The following USP42 variants were observed in gnomAD, a reference collection of about 807,000 sequenced individuals.
USP42 encodes ubiquitin specific peptidase 42, also known as ubiquitin carboxyl-terminal hydrolase 42.
A neutral mutation model predicts 113.0 loss-of-function variants in USP42; 23 were observed. That is an observed-to-expected ratio of 0.20 (90% CI 0.15 to 0.29). USP42 has a LOEUF of 0.29. USP42 is among the 10% of genes least tolerant of loss of function. The pLI, the probability that USP42 is intolerant of heterozygous loss-of-function variation, is 1.00. For synonymous variants in USP42, 933 were observed against 699.0 expected, an observed-to-expected ratio of 1.33 and a Z score of -5.28; for missense variants, 2,174 against 1,779.8, an observed-to-expected ratio of 1.22 and a Z score of -3.99.
chr7:6,131,854 A>G (rs377663785), intron 3 of USP42, among the ~76,000 whole-genome samples: 10 of 152,136 alleles, frequency 6.6e-5, no homozygotes, highest in African/African-American at 2.2e-4. Flanking sequence ...ATAGAAAACT[A>G]CCTCTATTCC....
rs1329362899 is a variant in USP42, at chr7:6,160,811, A to G, written c.*293A>G. 1 of 152,614 alleles carries G rather than the reference A, an allele frequency of 6.6e-6. No individual in the cohort carries two copies. 9.5% of individuals were successfully genotyped at this position (152,614 alleles called of 1,614,324 possible). A position where few individuals can be genotyped will look rare whatever the true frequency, so the allele number is the denominator to read the frequency against. On this transcript the variant is annotated 3_prime_UTR_variant, in exon 18 of 18. Transcript: ENST00000306177. ...TAATGCCCTGGAATAGAACATCTCA[A>G]ATGCTGCTTAATTACAGACTCAGGT...
chr7:6,111,518 G>T, intron 2 of USP42, 144 bp downstream of exon 2: 1 of 929,482 alleles, frequency 1.1e-6, no homozygotes, highest in Non-Finnish European at 1.6e-6. Flanking sequence ...GATGGGCTTT[G>T]TTTTCCTGTT....
upstream of USP42, among the ~76,000 whole-genome samples, chr7:6,100,465 G>C (rs139466523): frequency 6.0e-4 from 90 of 150,898 alleles, no homozygotes; most frequent in East Asian, 0.013. Context: ...AAGTAGCTGG[G>C]ATTACAGGTG....
At chr7:6,091,507 CTTG>C in the USP42 span, among the ~76,000 whole-genome samples, 1 of 150,832 alleles carries the variant, frequency 6.6e-6, no homozygotes, top group South Asian at 2.1e-4. Flanking sequence ...AGATAACAGG[CTTG>C]AGCCGCCATG....
chr7:6,149,804 G>A lies in USP42; in HGVS notation c.1608G>A (p.Gln536=). ...ACAAGTTGCCTGTTCGCCAGTGTCAGTCTCAACCTAACCTTCATAGTAATT... is the reference window on the plus strand; with the variant it reads ...ACAAGTTGCCTGTTCGCCAGTGTCAATCTCAACCTAACCTTCATAGTAATT... ...IHNKLPVRQC[Q]SQPNLHSNSL... The change falls in exon 13 of 18, where the codon CAG becomes CAA. Residue 536 remains glutamine, a synonymous_variant. Transcript: ENST00000306177. 2 of 1,614,020 alleles carry A rather than the reference G, an allele frequency of 1.2e-6. No homozygotes were observed. Among genetic ancestry groups the A allele is most frequent in the Non-Finnish European group, 1.7e-6 (2 of 1,179,912 alleles).
rs768328292 is a variant in USP42, at chr7:6,153,901, A to C, written c.2347A>C (p.Thr783Pro). Residue 783 changes from threonine to proline, a missense_variant, in exon 15 of 18, where the codon ACC (threonine) becomes CCC (proline). Transcript: ENST00000306177. ...GGCTCCGCCGCCCCGCGATCCCGGC[A>C]CCCCCGCTACCAAAGAAGGCGCCTG... ...KKAPPPRDPGTPATKEGAWEA... is the reference protein window; with the variant it reads ...KKAPPPRDPGPPATKEGAWEA... The C allele has an allele frequency of 6.3e-7, 1 of 1,590,360 alleles. No individual in the cohort carries two copies. Among genetic ancestry groups the C allele is most frequent in the Non-Finnish European group, 8.5e-7 (1 of 1,170,708 alleles).
At chr7:6,137,042 A>T (rs1267809885) in intron 4 of USP42, among the ~76,000 whole-genome samples, 1 of 152,220 alleles carries the variant, frequency 6.6e-6, no homozygotes, top group Non-Finnish European at 1.5e-5. Context: ...TAAGTGCATG[A>T]AATTTTCTTA....
At chr7:6,105,231 G>A (rs1185028163) in intron 1 of USP42, among the ~76,000 whole-genome samples, 199 bp downstream of exon 1, 10 of 145,218 alleles carry the variant, frequency 6.9e-5, no homozygotes, top group Non-Finnish European at 1.2e-4. Flanking sequence ...CGGCGCCACC[G>A]CCCGCCCGGG....
At chr7:6,155,236 C>CT (rs760534604) in intron 15 of USP42, 41 bp downstream of exon 15, 42 of 1,486,040 alleles carry the variant, frequency 2.8e-5, no homozygotes, top group South Asian at 2.1e-4. Flanking sequence ...GCTGGCGCTG[C>CT]TGTCAGCAGT....
At chr7:6,128,895 A>C (rs1780687012) in intron 3 of USP42, among the ~76,000 whole-genome samples, 1 of 151,950 alleles carries the variant, frequency 6.6e-6, no homozygotes, top group Admixed American at 6.6e-5. Context: ...ATCTCAGCTC[A>C]CTACAGCCTC....
At chr7:6,121,231 A>C (rs76705940) in intron 3 of USP42, among the ~76,000 whole-genome samples, 2,968 of 152,254 alleles carry the variant, frequency 0.019, 55 homozygotes, top group Non-Finnish European at 0.026. Flanking sequence ...TCTCAGCCTT[A>C]GAGGAAAAGC....
At chr7:6,149,173 C>T (rs996003996) in intron 12 of USP42, among the ~76,000 whole-genome samples, 18 of 152,096 alleles carry the variant, frequency 1.2e-4, no homozygotes, top group African/African-American at 2.2e-4. Flanking sequence ...CCCTACTCTC[C>T]GCCCACGTGA....
Position 6,159,547 on chromosome 7 carries a change from G to T in USP42, c.*36+54G>T. ...TTGTTTGTGGTGGCGCTGAGGGGAC[G>T]CAGGCAGAGGAGTTTTAATTCTGCG... On this transcript the variant is annotated intron_variant, in intron 17 of 17. Coordinates refer to ENST00000306177, the MANE Select transcript of USP42 (RefSeq NM_032172.3). The surrounding 1 kb of genome is among the most constrained non-coding windows in gnomAD (Gnocchi z 4.1). The T allele has an allele frequency of 6.5e-7, 1 of 1,540,890 alleles. No individual in the cohort carries two copies. Among genetic ancestry groups the T allele is most frequent in the Non-Finnish European group, 9.0e-7 (1 of 1,116,638 alleles).
At chr7:6,110,167 C>G (rs1189649420) in intron 1 of USP42, among the ~76,000 whole-genome samples, 2 of 152,132 alleles carry the variant, frequency 1.3e-5, no homozygotes, top group African/African-American at 4.8e-5. Context: ...AGTGGCATGT[C>G]TAGATGTGGC....
At position 6,154,832 on chromosome 7, in the gene USP42, A is replaced by G. The variant is rs760603796; in HGVS notation, c.3278A>G (p.His1093Arg). Residue 1093 changes from histidine to arginine, a missense_variant, in exon 15 of 18, where the codon CAC becomes CGC. Coordinates refer to ENST00000306177, the MANE Select transcript of USP42 (RefSeq NM_032172.3). ...CGGGCCGGGCTGCACGAGCGGCCGCACAAGGACCACAACCGGGGCCGTAGG... is the reference window on the plus strand; with the variant it reads ...CGGGCCGGGCTGCACGAGCGGCCGCGCAAGGACCACAACCGGGGCCGTAGG... ...HERAGLHERP[H>R]KDHNRGRRGC... is the part of the protein sequence containing the mutation. 3 of 1,540,066 alleles carry G rather than the reference A, an allele frequency of 1.9e-6. No individual in the cohort carries two copies. Among genetic ancestry groups the G allele is most frequent in the African/African-American group, 1.4e-5 (1 of 72,456 alleles).
chr7:6,104,603 C>T (rs1393427004), upstream of USP42, among the ~76,000 whole-genome samples: 1 of 152,198 alleles, frequency 6.6e-6, no homozygotes. Flanking sequence ...AAGTCCTACG[C>T]CCGCCGCGCG....
intron 3 of USP42, among the ~76,000 whole-genome samples, chr7:6,132,287 G>GTC (rs1780892833): frequency 6.6e-6 from 1 of 152,190 alleles, no homozygotes; most frequent in South Asian, 2.1e-4. Flanking sequence ...TGCTGTGCCT[G>GTC]ATAAGAAGTC....
At chr7:6,090,808 T>A in the USP42 span, among the ~76,000 whole-genome samples, 1 of 146,214 alleles carries the variant, frequency 6.8e-6, no homozygotes, top group Non-Finnish European at 1.5e-5. Flanking sequence ...TAACATATAG[T>A]TATATATATA....
At chr7:6,107,466 A>G (rs1308198125) in intron 1 of USP42, among the ~76,000 whole-genome samples, 4 of 149,404 alleles carry the variant, frequency 2.7e-5, no homozygotes, top group Non-Finnish European at 4.4e-5. Flanking sequence ...CTGGAGGGCA[A>G]TGGCGCGATC....
Sources: allele counts gnomAD v4.1 joint callset (sites outside exome capture counted in the v4.1 genomes callset), GRCh38; gene constraint gnomAD v4.1.1; non-coding constraint Gnocchi (gnomAD v3.1); transcripts MANE v1.5; gene names NCBI Gene and HGNC (gene_info 2026-07-23, HGNC 2026-07-21).